The following ROBO2 variants were observed in gnomAD, a reference collection of about 807,000 sequenced individuals.
ROBO2 encodes roundabout homolog 2.
ROBO2 carries 53 observed loss-of-function variants against 160.8 expected under a neutral mutation model. The observed-to-expected ratio is 0.33, with a 90% CI of 0.26 to 0.41. ROBO2 has a LOEUF of 0.41. Ranked by LOEUF, ROBO2 falls within the 10% of genes least tolerant of loss-of-function variation. ROBO2 has a pLI of 1.00. For synonymous variants in ROBO2, 664 were observed against 611.7 expected (o/e 1.09, Z -1.26); for missense variants, 1,577 against 1,722.4 (o/e 0.92, Z 1.49).
intron 4 of ROBO2, among the ~76,000 whole-genome samples, chr3:77,492,394 G>A (rs2086235256): frequency 6.6e-6 from 1 of 152,118 alleles, no homozygotes; most frequent in Non-Finnish European, 1.5e-5. Flanking sequence ...TTATGGATAG[G>A]AAAAGATTTT....
intron 2 of ROBO2, among the ~76,000 whole-genome samples, chr3:76,113,223 G>A (rs970569617): frequency 6.6e-6 from 1 of 152,016 alleles, no homozygotes; most frequent in Non-Finnish European, 1.5e-5. Flanking sequence ...ATGGATGTGA[G>A]GAAAAGGTTG....
rs540900964 is a variant in ROBO2 at position 76,314,558 on chromosome 3, C to G, written c.109+376956C>G. Among the ~76,000 whole-genome samples the G allele has an allele frequency of 1.2e-3, 180 of 152,248 alleles. 1 individual carries two copies. Among genetic ancestry groups the G allele is most frequent in the African/African-American group, 4.2e-3 (173 of 41,554 alleles). ...TCTTCTGTCTCTGCCACCCCTGAGACAGCAGGACCAACCTCTCCTCTTCTT... is the reference window on the plus strand; with the variant it reads ...TCTTCTGTCTCTGCCACCCCTGAGAGAGCAGGACCAACCTCTCCTCTTCTT... On this transcript the variant is annotated intron_variant, in intron 2 of 26. Transcript: ENST00000487694.
At chr3:77,450,424 G>C (rs2081001433) in intron 2 of ROBO2, among the ~76,000 whole-genome samples, 1 of 152,012 alleles carries the variant, frequency 6.6e-6, no homozygotes, top group Non-Finnish European at 1.5e-5. Context: ...TGTACATCTA[G>C]AGATAATAAT....
At chr3:76,474,927 T>G (rs768601539) in intron 2 of ROBO2, among the ~76,000 whole-genome samples, 1 of 152,066 alleles carries the variant, frequency 6.6e-6, no homozygotes, top group Non-Finnish European at 1.5e-5. Context: ...CATGTGCTTC[T>G]CATGGCAACG....
chr3:76,214,805 A>G (rs999181336), intron 2 of ROBO2, among the ~76,000 whole-genome samples: 2 of 152,198 alleles, frequency 1.3e-5, no homozygotes, highest in Non-Finnish European at 2.9e-5. Flanking sequence ...GACAGCTTTG[A>G]AGAGAGAAGT....
At chr3:77,062,948 T>C (rs990261515) in intron 1 of ROBO2, among the ~76,000 whole-genome samples, 3 of 152,256 alleles carry the variant, frequency 2.0e-5, no homozygotes, top group African/African-American at 7.2e-5. Flanking sequence ...GCCTCCCAGT[T>C]ACATTTTTTT....
At chr3:77,108,440 G>A (rs1038936461) in intron 2 of ROBO2, among the ~76,000 whole-genome samples, 1 of 151,988 alleles carries the variant, frequency 6.6e-6, no homozygotes, top group Non-Finnish European at 1.5e-5. Context: ...TTGGCCTCAC[G>A]AAGTGCTAGG....
chr3:77,350,784 G>A, intron 2 of ROBO2, among the ~76,000 whole-genome samples: 1 of 152,168 alleles, frequency 6.6e-6, no homozygotes, highest in East Asian at 1.9e-4. Context: ...TCACTTGCAA[G>A]AGGAAGCCCA....
At chr3:77,253,453 G>T (rs1357453375) in intron 2 of ROBO2, among the ~76,000 whole-genome samples, 1 of 152,056 alleles carries the variant, frequency 6.6e-6, no homozygotes, top group African/African-American at 2.4e-5. Flanking sequence ...TTCACTAAAA[G>T]CTCTATTCCA....
At chr3:75,983,009 G>A (rs2065319841) in intron 2 of ROBO2, among the ~76,000 whole-genome samples, 1 of 151,486 alleles carries the variant, frequency 6.6e-6, no homozygotes, top group African/African-American at 2.4e-5. Flanking sequence ...TATATGCTGT[G>A]CATTTCTAAT....
intron 9 of ROBO2, among the ~76,000 whole-genome samples, chr3:77,560,922 C>A (rs80242532): frequency 6.6e-6 from 1 of 152,244 alleles, no homozygotes; most frequent in Non-Finnish European, 1.5e-5. Context: ...CCAACCTCGG[C>A]TCATTATATT....
intron 2 of ROBO2, among the ~76,000 whole-genome samples, chr3:76,859,306 A>G (rs1458866792): frequency 6.6e-6 from 1 of 152,230 alleles, no homozygotes; most frequent in Non-Finnish European, 1.5e-5. Flanking sequence ...TGATGCAATC[A>G]TTTTTTAGTC....
At chr3:76,737,742 T>C (rs1252671441) in intron 2 of ROBO2, among the ~76,000 whole-genome samples, 1 of 152,154 alleles carries the variant, frequency 6.6e-6, no homozygotes, top group Non-Finnish European at 1.5e-5. Flanking sequence ...TAGTGAAGGG[T>C]TGGCAGTCAG....
intron 1 of ROBO2, among the ~76,000 whole-genome samples, chr3:77,082,052 T>C (rs1373542719): frequency 6.6e-6 from 1 of 152,216 alleles, no homozygotes; most frequent in Admixed American, 6.5e-5. Flanking sequence ...CCGGTATTTC[T>C]AATTGTATAC....
chr3:76,356,454 G>A (rs1289857298), intron 2 of ROBO2, among the ~76,000 whole-genome samples: 1 of 151,500 alleles, frequency 6.6e-6, no homozygotes, highest in Non-Finnish European at 1.5e-5. Context: ...ATATACAGAG[G>A]AGAAAGTAAG....
intron 2 of ROBO2, among the ~76,000 whole-genome samples, chr3:75,951,897 T>C (rs190348113): frequency 3.5e-4 from 54 of 152,184 alleles, no homozygotes; most frequent in Middle Eastern, 6.8e-3. Context: ...TCAGCAACTG[T>C]ATTGAAACAA....
chr3:76,771,008 A>G (rs1284624378), intron 2 of ROBO2, among the ~76,000 whole-genome samples: 2 of 151,326 alleles, frequency 1.3e-5, no homozygotes, highest in Admixed American at 6.6e-5. Flanking sequence ...AATTTATGAT[A>G]CTGAGATGTT....
rs533294503 is a variant in ROBO2 at position 76,471,715 on chromosome 3, C to T, written c.109+534113C>T. ...GTTCTCATGCTGTTATTAAGAACTG[C>T]CTGAGACTGAGTAATTTATAAAGGA... is the stretch of plus-strand genomic sequence containing the variant. On this transcript the variant is annotated intron_variant, in intron 2 of 26. Transcript: ENST00000487694. Among the ~76,000 whole-genome samples, 16 of 152,086 alleles carry T rather than the reference C, an allele frequency of 1.1e-4. No homozygotes were observed. The South Asian group carries it at 3.1e-3, about 30-fold the overall frequency.
chr3:76,217,376 C>G lies in ROBO2; in HGVS notation c.109+279774C>G, dbSNP rs550372147. ...TTCAAAAAATCAATGAATCCAGGAG[C>G]TGGCGTTTTGAAAAGCTCAACAAAA... On this transcript the variant is annotated intron_variant, in intron 2 of 26. Coordinates refer to the ROBO2 transcript ENST00000487694. Among the ~76,000 whole-genome samples, 5 of 152,206 alleles carry G rather than the reference C, an allele frequency of 3.3e-5. 1 individual carries two copies. The highest frequency in any genetic ancestry group is 1.2e-4 in the African/African-American group (5 of 41,506).
Sources: allele counts gnomAD v4.1 joint callset (sites outside exome capture counted in the v4.1 genomes callset), GRCh38; gene constraint gnomAD v4.1.1; transcripts MANE v1.5; gene names NCBI Gene and HGNC (gene_info 2026-07-23, HGNC 2026-07-21).